Variants in ULK1 observed in about 807,000 individuals in gnomAD.
ULK1 encodes serine/threonine-protein kinase ULK1.
ULK1 carries 48 observed loss-of-function variants against 117.5 expected under a neutral mutation model. That is an observed-to-expected ratio of 0.41 (90% CI 0.32 to 0.52). The LOEUF (loss-of-function observed/expected upper bound fraction) is 0.52. Ranked by LOEUF, ULK1 falls within the 20% of genes least tolerant of loss-of-function variation. The pLI is 0.29. For missense variants in ULK1, 1,387 were observed against 1,473.4 expected, an observed-to-expected ratio of 0.94 and a Z score of 0.96; for synonymous variants, 790 against 637.8, an observed-to-expected ratio of 1.24 and a Z score of -3.60.
At position 131,902,189 on chromosome 12, in the gene ULK1, C is replaced by T; in HGVS notation, c.247-4703C>T. On this transcript the variant is annotated intron_variant, in intron 3 of 27. Coordinates refer to ENST00000321867, the MANE Select transcript of ULK1 (RefSeq NM_003565.4). The surrounding 1 kb of genome is among the most constrained non-coding windows in gnomAD (Gnocchi z 6.3). ...GCATCCCTTCCCTTTTGGGAGCTGT[C>T]CAGGAGCCCCGCCTGGGGGTGCAGA... Among the ~76,000 whole-genome samples, 1 of 152,168 alleles carries T rather than the reference C, an allele frequency of 6.6e-6. No homozygotes were observed. Among genetic ancestry groups the T allele is most frequent in the East Asian group, 1.9e-4 (1 of 5,188 alleles).
At position 131,915,297 on chromosome 12, in the gene ULK1, T is replaced by C. The variant is rs758291741; in HGVS notation, c.1523-38T>C. The C allele has an allele frequency of 5.6e-6, 9 of 1,611,502 alleles. No individual in the cohort carries two copies. The African/African-American group carries it at 1.2e-4, about 22-fold the overall frequency. ...GCAGTGGGTGAGGAGGCTGTCTCTG[T>C]CCCAGCTGGACCCTGACAGATCTCT... On this transcript the variant is annotated intron_variant, in intron 17 of 27. Coordinates refer to ENST00000321867, the MANE Select transcript of ULK1 (RefSeq NM_003565.4).
At position 131,906,939 on chromosome 12, in the gene ULK1, G is replaced by C; in HGVS notation, c.279+15G>C. On this transcript the variant is annotated intron_variant, in intron 4 of 27. Transcript: ENST00000321867. The stretch of plus-strand genomic sequence containing the variant: ...TGGTTATGGAGGTGAGTGCCTTGTG[G>C]TGCCAGGACAAGTGCAGGCTGATGG... 6.2e-7 allele frequency: 1 copy of C among 1,614,090 alleles called. No individual in the cohort carries two copies. Among genetic ancestry groups the C allele is most frequent in the South Asian group, 1.1e-5 (1 of 91,088 alleles).
chr12:131,917,619 G>A (rs960190467), intron 22 of ULK1, 65 bp downstream of exon 22: 6 of 1,307,286 alleles, frequency 4.6e-6, no homozygotes, highest in African/African-American at 1.5e-5. Flanking sequence ...AGCGGACGGG[G>A]GCATCCTTTA....
In ULK1 at chr12:131,914,341, C is replaced by A. The variant is rs1181635065; in HGVS notation, c.1248-11C>A. The A allele has an allele frequency of 1.0e-5, 16 of 1,607,980 alleles. No individual in the cohort carries two copies. The highest frequency in any genetic ancestry group is 1.4e-5 in the Non-Finnish European group (16 of 1,179,850). ...AGTGTCTGTCATGATCCTGACCTCT[C>A]TCCACCACAGCCGGGCTGGCCCGTT... On this transcript the variant is annotated splice_polypyrimidine_tract_variant and intron_variant, in intron 15 of 27. Transcript: ENST00000321867.
Position 131,916,469 on chromosome 12 carries a change from C to A in ULK1, c.1950C>A (p.Gly650=). ...QNLLALLARQ[G]VVMTPPRNRT... ...TGCTGGCCCTCCTAGCCCGGCAGGG[C>A]GTGGTGATGACGCCCCCTCGAAACC... Residue 650 remains glycine, a synonymous_variant, in exon 20 of 28, where the codon GGC becomes GGA. Transcript: ENST00000321867. 6.2e-7 allele frequency: 1 copy of A among 1,612,166 alleles called. No individual in the cohort carries two copies. The highest frequency in any genetic ancestry group is 1.1e-5 in the South Asian group (1 of 91,052).
chr12:131,899,703 G>A (rs1424094630), intron 3 of ULK1, among the ~76,000 whole-genome samples: 1 of 152,194 alleles, frequency 6.6e-6, no homozygotes. Context: ...GCCAAGGCTG[G>A]AAGGGTACCA....
chr12:131,913,148 C>T (rs746027030), intron 13 of ULK1, 50 bp from the exon 14 acceptor site: 11 of 1,506,722 alleles, frequency 7.3e-6, no homozygotes, highest in Middle Eastern at 3.6e-4. Flanking sequence ...GGTGGGGTGG[C>T]CCTGGGCAGG....
At chr12:131,897,993 G>A (rs1888943058) in intron 3 of ULK1, 2 of 152,240 alleles carry the variant, frequency 1.3e-5, no homozygotes, top group South Asian at 4.1e-4. Flanking sequence ...TGACGCTGAT[G>A]AGGGGCCCAG....
Position 131,914,430 on chromosome 12 carries a change from G to C in ULK1, c.1326G>C (p.Gln442His). 6.2e-7 allele frequency: 1 copy of C among 1,612,758 alleles called. No individual in the cohort carries two copies. The highest frequency in any genetic ancestry group is 8.5e-7 in the Non-Finnish European group (1 of 1,179,970). Residue 442 changes from glutamine to histidine, a missense_variant, in exon 16 of 28, where the codon CAG becomes CAC. Transcript: ENST00000321867. Reference sequence around the variant, plus strand: ...TCCCCACGCAGGTGCAGAACTACCAGCGCATTGAGCGAAACCTGCAGTCAC... The same window carrying C: ...TCCCCACGCAGGTGCAGAACTACCACCGCATTGAGCGAAACCTGCAGTCAC... Reference protein sequence around the residue: ...IPVPTQVQNYQRIERNLQSPT... With the variant: ...IPVPTQVQNYHRIERNLQSPT...
rs964718754 is a variant in ULK1 at position 131,913,073 on chromosome 12, G to A, written c.1097-125G>A. On this transcript the variant is annotated intron_variant, in intron 13 of 27. Transcript: ENST00000321867. ...CCCAGGCTCTGCCCCCCGCAAGGCC[G>A]CTGTACGAGCTGAGGCCCCTGCAAG... 29 of 857,484 alleles carry A rather than the reference G, an allele frequency of 3.4e-5. No individual in the cohort carries two copies. In the East Asian group the frequency reaches 4.2e-4, roughly 13 times the overall value. 53.1% of individuals were successfully genotyped at this position (857,484 alleles called of 1,614,324 possible).
At chr12:131,897,888 A>T (rs1268148962) in intron 3 of ULK1, 2 of 152,246 alleles carry the variant, frequency 1.3e-5, no homozygotes, top group African/African-American at 2.4e-5. Context: ...AGCAGAGTGT[A>T]ACCCTGTCTC....
chr12:131,913,064 C>T (rs761250068), intron 13 of ULK1, 134 bp from the exon 14 acceptor site: 9 of 793,454 alleles, frequency 1.1e-5, no homozygotes, highest in South Asian at 2.3e-5. Flanking sequence ...CTCTGCCCCC[C>T]GCAAGGCCGC....
intron 18 of ULK1, 92 bp from the exon 19 acceptor site, chr12:131,915,799 G>A: frequency 7.9e-6 from 12 of 1,517,356 alleles, no homozygotes; most frequent in Non-Finnish European, 9.8e-6. Flanking sequence ...GCCTTGGAGT[G>A]CGTCTACCCC....
intron 9 of ULK1, 43 bp downstream of exon 9, chr12:131,909,876 C>A (rs770105319): frequency 1.2e-6 from 2 of 1,609,972 alleles, no homozygotes; most frequent in Non-Finnish European, 8.5e-7. Flanking sequence ...CCGCGGGCTC[C>A]GGCCCCGCAG....
In ULK1 at chr12:131,917,404, C is replaced by A; in HGVS notation, c.2183-7C>A. The A allele has an allele frequency of 6.7e-7, 1 of 1,499,180 alleles. No individual in the cohort carries two copies. The highest frequency in any genetic ancestry group is 8.9e-7 in the Non-Finnish European group (1 of 1,126,202). The allele number at this position is 1,499,180 out of a possible 1,614,324, so 92.9% of individuals were successfully genotyped here. On this transcript the variant is annotated splice_polypyrimidine_tract_variant and splice_region_variant and intron_variant, in intron 21 of 27. Transcript: ENST00000321867. ...GGATGCTCCTGAGCCCTTCCTTGCT[C>A]TCCCAGCACCCTCAGCTGGCTTTGG...
chr12:131,909,077 G>A, intron 7 of ULK1, 59 bp from the exon 8 acceptor site: 1 of 1,604,942 alleles, frequency 6.2e-7, no homozygotes, highest in Non-Finnish European at 8.5e-7. Flanking sequence ...TGGCCTGGCG[G>A]GCACCTTCTG....
At chr12:131,896,184 T>C (rs1686551408) in intron 3 of ULK1, among the ~76,000 whole-genome samples, 1 of 152,108 alleles carries the variant, frequency 6.6e-6, no homozygotes, top group Non-Finnish European at 1.5e-5. Context: ...CGTGTGTTTG[T>C]TGACATTGCT....
At position 131,919,587 on chromosome 12, in the gene ULK1, C is replaced by A. The variant is rs766989906; in HGVS notation, c.2800C>A (p.Gln934Lys). 1.9e-6 allele frequency: 3 copies of A among 1,611,594 alleles called. No individual in the cohort carries two copies. Among genetic ancestry groups the A allele is most frequent in the Non-Finnish European group, 2.5e-6 (3 of 1,179,558 alleles). ...GCTCTGCCTGTCGTCCACTGTGAAG[C>A]AGGGTGAGGGCTGCGACCGCTCAGC... Reference protein sequence around the residue: ...GKLCLSSTVKQVVRRLNELYK... With the variant: ...GKLCLSSTVKKVVRRLNELYK... Residue 934 changes from glutamine to lysine, a missense_variant, in exon 25 of 28, where the codon CAG (glutamine) becomes AAG (lysine). This residue lies in a region of ULK1 where 900 missense variants were observed against 858.9 expected (regional missense o/e 1.05). Coordinates refer to ENST00000321867, the MANE Select transcript of ULK1 (RefSeq NM_003565.4).
chr12:131,908,334 G>A (rs997724243), intron 5 of ULK1, among the ~76,000 whole-genome samples: 1 of 152,278 alleles, frequency 6.6e-6, no homozygotes. Context: ...GGGAAGAGGG[G>A]CAGGAGCGGG....
Sources: gnomAD v4.1 joint callset for allele counts (sites outside exome capture counted in the v4.1 genomes callset) on GRCh38, gnomAD v4.1.1 for gene constraint, gnomAD v4.1.1 regional missense constraint, Gnocchi (gnomAD v3.1) non-coding constraint, MANE v1.5 for transcripts, NCBI Gene and HGNC (gene_info 2026-07-23, HGNC 2026-07-21) for gene names.